GLIS3: variants seen among roughly 807,000 people sequenced by gnomAD.
The protein encoded by GLIS3 is zinc finger protein GLIS3.
Under a neutral mutation model 78.6 loss-of-function variants are expected in GLIS3, and 53 were observed. The ratio of observed to expected loss-of-function variants is 0.67; its 90% confidence interval spans 0.54 to 0.85. GLIS3 has a LOEUF of 0.85. GLIS3 is among the 40% of genes least tolerant of loss of function. The pLI is 0.00. For synonymous variants in GLIS3, 684 were observed against 509.9 expected (o/e 1.34, Z -4.60); for missense variants, 1,703 against 1,231.1 (o/e 1.38, Z -5.74).
chr9:4,427,678 G>C, the GLIS3 span, among the ~76,000 whole-genome samples: 1 of 151,968 alleles, frequency 6.6e-6, no homozygotes, highest in South Asian at 2.1e-4. Flanking sequence ...GGTCAACATG[G>C]TGAAACCCTG....
rs138182568 is a variant in GLIS3 at position 4,055,204 on chromosome 9, A to T, written c.1710+62564T>A. Among the ~76,000 whole-genome samples, 340 of 152,334 alleles carry T rather than the reference A, an allele frequency of 2.2e-3. 1 individual carries two copies. The highest frequency in any genetic ancestry group is 0.02 in the Middle Eastern group (6 of 294). ...AGCATATGGAGTTGTCATTCTTGAC[A>T]TCAATAGAGTTGGCAAGAGCCTCTA... On this transcript the variant is annotated intron_variant, in intron 4 of 10. Coordinates refer to ENST00000381971, the MANE Select transcript of GLIS3 (RefSeq NM_001042413.2).
Position 3,989,913 on chromosome 9 carries a change from C to T in GLIS3, c.1711-52724G>A, listed in dbSNP as rs138868240. The stretch of plus-strand genomic sequence containing the variant: ...CAAAACTGAGGAAGCCTGAATAGGT[C>T]ATGATTTGTATCAAGTTCAATATTC... On this transcript the variant is annotated intron_variant, in intron 4 of 10. Transcript: ENST00000381971. Among the ~76,000 whole-genome samples the T allele has an allele frequency of 3.3e-5, 5 of 152,238 alleles. No homozygotes were observed. In the East Asian group the frequency reaches 7.7e-4, roughly 24 times the overall value.
intron 4 of GLIS3, among the ~76,000 whole-genome samples, chr9:4,038,459 C>T (rs972740692): frequency 1.3e-5 from 2 of 152,178 alleles, no homozygotes; most frequent in Non-Finnish European, 2.9e-5. Flanking sequence ...CCAGCTTGTA[C>T]CTTTCAGAGA....
the GLIS3 span, among the ~76,000 whole-genome samples, chr9:4,374,080 T>C: frequency 6.6e-6 from 1 of 152,224 alleles, no homozygotes; most frequent in African/African-American, 2.4e-5. Flanking sequence ...GTGATGCTTT[T>C]GGCGGATACA....
At chr9:3,972,604 C>T (rs1818461808) in intron 4 of GLIS3, among the ~76,000 whole-genome samples, 1 of 152,108 alleles carries the variant, frequency 6.6e-6, no homozygotes, top group African/African-American at 2.4e-5. Flanking sequence ...CATAGGGTTA[C>T]ATTTCACATA....
At chr9:4,306,334 C>G (rs1366959179) in intron 4 of GLIS3, among the ~76,000 whole-genome samples, 1 of 152,114 alleles carries the variant, frequency 6.6e-6, no homozygotes, top group Non-Finnish European at 1.5e-5. Context: ...TCTTCAGGAC[C>G]CTGCTACCAT....
chr9:4,039,821 C>T (rs1334536173), intron 4 of GLIS3, among the ~76,000 whole-genome samples: 1 of 152,166 alleles, frequency 6.6e-6, no homozygotes, highest in Non-Finnish European at 1.5e-5. Context: ...TCAAGTACTA[C>T]AGGAGTTAGA....
At chr9:4,399,854 G>C in the GLIS3 span, among the ~76,000 whole-genome samples, 1,388 of 152,310 alleles carry the variant, frequency 9.1e-3, 22 homozygotes, top group African/African-American at 0.032. Context: ...CTGTAGCTGA[G>C]ACCTGAAGGA....
At chr9:3,855,963 C>T (rs763032741) in intron 9 of GLIS3, 46 bp downstream of exon 9, 3 of 1,595,830 alleles carry the variant, frequency 1.9e-6, no homozygotes, top group African/African-American at 1.3e-5. Flanking sequence ...AGCAACAGCA[C>T]AATGTCACTT....
chr9:4,000,487 T>C (rs189401472), intron 4 of GLIS3, among the ~76,000 whole-genome samples: 204 of 152,324 alleles, frequency 1.3e-3, no homozygotes, highest in Non-Finnish European at 2.2e-3. Context: ...TTTTATTTAT[T>C]ATTCTTACTT....
chr9:4,355,216 A>C, the GLIS3 span, among the ~76,000 whole-genome samples: 1 of 152,068 alleles, frequency 6.6e-6, no homozygotes, highest in Non-Finnish European at 1.5e-5. Context: ...CTGGATTTGG[A>C]GTTGGGCACA....
At chr9:4,468,010 G>T in the GLIS3 span, among the ~76,000 whole-genome samples, 1 of 152,102 alleles carries the variant, frequency 6.6e-6, no homozygotes, top group Non-Finnish European at 1.5e-5. Flanking sequence ...TTCAGTAGTC[G>T]ATTCAATCAA....
chr9:4,340,621 G>A (rs546256280), intron 2 of GLIS3, among the ~76,000 whole-genome samples: 15 of 152,104 alleles, frequency 9.9e-5, no homozygotes, highest in African/African-American at 3.4e-4. Flanking sequence ...CCACATCCAC[G>A]CTATTAACCA....
intron 4 of GLIS3, among the ~76,000 whole-genome samples, chr9:4,108,239 TA>T (rs1349754677): frequency 6.6e-6 from 1 of 152,196 alleles, no homozygotes; most frequent in Non-Finnish European, 1.5e-5. Flanking sequence ...TCTTTCTCGT[TA>T]AAATGTAGAT....
At chr9:4,309,657 C>T (rs1195535855) in intron 3 of GLIS3, among the ~76,000 whole-genome samples, 1 of 152,222 alleles carries the variant, frequency 6.6e-6, no homozygotes, top group Non-Finnish European at 1.5e-5. Context: ...GACTGATTTA[C>T]ATACACACTC....
At chr9:4,276,056 A>T (rs1756165692) in intron 2 of GLIS3, among the ~76,000 whole-genome samples, 1 of 151,834 alleles carries the variant, frequency 6.6e-6, no homozygotes, top group African/African-American at 2.4e-5. Flanking sequence ...GCCGAGGCAG[A>T]TGGATCACTT....
chr9:3,924,150 T>G (rs1350159924), intron 6 of GLIS3, among the ~76,000 whole-genome samples: 1 of 152,246 alleles, frequency 6.6e-6, no homozygotes, highest in Non-Finnish European at 1.5e-5. Flanking sequence ...GATCTTCTGT[T>G]GTGCTATTGT....
intron 6 of GLIS3, among the ~76,000 whole-genome samples, chr9:3,908,700 G>GTTTTT (rs1823889387): frequency 2.0e-5 from 1 of 49,310 alleles, no homozygotes; most frequent in Non-Finnish European, 3.7e-5. Context: ...ATTGTGATTT[G>GTTTTT]TATTTGTTTT....
chr9:4,352,107 G>T (rs1817978999), upstream of GLIS3, among the ~76,000 whole-genome samples: 1 of 152,194 alleles, frequency 6.6e-6, no homozygotes, highest in Non-Finnish European at 1.5e-5. Context: ...AACTACGATG[G>T]AAAAGTAGAT....
Sources: allele counts gnomAD v4.1 joint callset (sites outside exome capture counted in the v4.1 genomes callset), GRCh38; gene constraint gnomAD v4.1.1; transcripts MANE v1.5; gene names NCBI Gene and HGNC (gene_info 2026-07-23, HGNC 2026-07-21).